ARHGAP27: variants seen among roughly 807,000 people sequenced by gnomAD.
ARHGAP27 encodes Rho GTPase activating protein 27.
A neutral mutation model predicts 102.0 loss-of-function variants in ARHGAP27; 53 were observed. That is an observed-to-expected ratio of 0.52 (90% CI 0.42 to 0.65). ARHGAP27 has a LOEUF of 0.65. Ranked by LOEUF, ARHGAP27 falls within the 30% of genes least tolerant of loss-of-function variation. The pLI is 0.00. For missense variants in ARHGAP27, 1,117 were observed against 1,256.2 expected, an observed-to-expected ratio of 0.89 and a Z score of 1.68; for synonymous variants, 525 against 542.8, an observed-to-expected ratio of 0.97 and a Z score of 0.46.
rs779926718 is a variant in ARHGAP27, at chr17:45,403,998, TG to T, written c.1547+30del. On this transcript the variant is annotated intron_variant, in intron 10 of 19. Transcript: ENST00000685559. The stretch of plus-strand genomic sequence containing the variant: ...TGAACATCGTCACCAAGGCCCACCC[TG>T]CCCCGGCCTGAGTGTAGATGGGCTC... 29 of 1,612,320 alleles carry T rather than the reference TG, an allele frequency of 1.8e-5. No homozygotes were observed. In the East Asian group the frequency reaches 2.0e-4, roughly 11 times the overall value.
At chr17:45,418,985 G>GC (rs897638788) in intron 4 of ARHGAP27, among the ~76,000 whole-genome samples, 6 of 152,034 alleles carry the variant, frequency 3.9e-5, no homozygotes, top group East Asian at 1.9e-4. Flanking sequence ...CCACTCTAGG[G>GC]CCCCCCCACC....
At chr17:45,412,960 ATCTTTTTTTTTTTTTT>A (rs1212733525) in intron 4 of ARHGAP27, among the ~76,000 whole-genome samples, 8 of 95,962 alleles carry the variant, frequency 8.3e-5, no homozygotes, top group Non-Finnish European at 1.6e-4. Context: ...GCTCAGTATA[ATCTTTTTTTTTTTTTT>A]TTTTTTTTTT....
rs1282320510 is a variant in ARHGAP27 at position 45,394,607 on chromosome 17, G to T, written c.*849C>A. The T allele has an allele frequency of 6.6e-6, 1 of 152,292 alleles. No individual in the cohort carries two copies. Among genetic ancestry groups the T allele is most frequent in the Non-Finnish European group, 1.5e-5 (1 of 68,086 alleles). The allele number at this position is 152,292 out of a possible 1,614,324, so 9.4% of individuals were successfully genotyped here. A position where few individuals can be genotyped will look rare whatever the true frequency, so the allele number is the denominator to read the frequency against. On this transcript the variant is annotated 3_prime_UTR_variant, in exon 20 of 20. Coordinates refer to ENST00000685559, the MANE Select transcript of ARHGAP27 (RefSeq NM_001282290.2). Reference sequence around the variant, plus strand: ...AAGGTTGGATGGGTGGTAGCTGAAAGAACTGATTTTCCCCCTACCCAGGCT... The same window carrying T: ...AAGGTTGGATGGGTGGTAGCTGAAATAACTGATTTTCCCCCTACCCAGGCT...
At position 45,429,980 on chromosome 17, in the gene ARHGAP27, C is replaced by G; in HGVS notation, c.300G>C (p.Ala100=). 1 of 1,162,450 alleles carries G rather than the reference C, an allele frequency of 8.6e-7. No homozygotes were observed. Among genetic ancestry groups the G allele is most frequent in the Non-Finnish European group, 1.1e-6 (1 of 945,278 alleles). The allele number at this position is 1,162,450 out of a possible 1,614,324, so 72.0% of individuals were successfully genotyped here. ...CGCCGTCGGGGCCCGCGGTCGCCGC[C>G]GCGCTCACAAACCGGTAGTCGTAGG... ...PLAYDYRFVS[A]AATAGPDGAP... is the part of the protein sequence containing the mutation. Residue 100 remains alanine (A), a synonymous_variant, in exon 4 of 20, where the codon GCG becomes GCC. Coordinates refer to ENST00000685559, the MANE Select transcript of ARHGAP27 (RefSeq NM_001282290.2).
chr17:45,424,560 CGCAGTCA>C (rs1210751760), intron 4 of ARHGAP27, among the ~76,000 whole-genome samples: 3 of 152,148 alleles, frequency 2.0e-5, no homozygotes, highest in Non-Finnish European at 4.4e-5. Context: ...CTGTACTGGA[CGCAGTCA>C]GCTCTAGGAA....
intron 4 of ARHGAP27, among the ~76,000 whole-genome samples, chr17:45,417,037 A>G (rs2048538462): frequency 6.6e-6 from 1 of 151,066 alleles, no homozygotes. Context: ...CATGCTTGTA[A>G]TCCCAGCTAC....
rs2050153297 is a variant in ARHGAP27 at position 45,432,740 on chromosome 17, C to T, written c.-285+12G>A. The T allele has an allele frequency of 6.6e-6, 1 of 151,402 alleles. No individual in the cohort carries two copies. The highest frequency in any genetic ancestry group is 1.5e-5 in the Non-Finnish European group (1 of 67,756). 9.4% of individuals were successfully genotyped at this position (151,402 alleles called of 1,614,324 possible). A position where few individuals can be genotyped will look rare whatever the true frequency, so the allele number is the denominator to read the frequency against. On this transcript the variant is annotated intron_variant, in intron 1 of 19. Transcript: ENST00000685559. Reference sequence around the variant, plus strand: ...CTCGGCGCCCCACTCCCGACCCTGCCTGCCCGGGCACCTCGGGGCGTCCGC... The same window carrying T: ...CTCGGCGCCCCACTCCCGACCCTGCTTGCCCGGGCACCTCGGGGCGTCCGC...
intron 6 of ARHGAP27, 59 bp from the exon 7 acceptor site, chr17:45,404,740 T>G: frequency 6.4e-7 from 1 of 1,561,730 alleles, no homozygotes; most frequent in Non-Finnish European, 8.7e-7. Context: ...GAGGAAAAGT[T>G]TCCCTCTAAC....
intron 4 of ARHGAP27, chr17:45,408,138 C>T (rs2047451573): frequency 1.3e-5 from 2 of 151,598 alleles, no homozygotes; most frequent in Admixed American, 6.6e-5. Flanking sequence ...AAAAAAAATT[C>T]ATTTTTCACC....
Position 45,395,728 on chromosome 17 carries a change from G to A in ARHGAP27, c.2492+16C>T, listed in dbSNP as rs1397407565. ...GGGACCTGCCTCCCCCTTCCCGCGCGGGCCGCCCGGCTCACCGGCAGAGGT... is the reference window on the plus strand; with the variant it reads ...GGGACCTGCCTCCCCCTTCCCGCGCAGGCCGCCCGGCTCACCGGCAGAGGT... On this transcript the variant is annotated intron_variant, in intron 19 of 19. Coordinates refer to ENST00000685559, the MANE Select transcript of ARHGAP27 (RefSeq NM_001282290.2). The A allele has an allele frequency of 1.9e-6, 3 of 1,581,216 alleles. No homozygotes were observed. Among genetic ancestry groups the A allele is most frequent in the Non-Finnish European group, 8.6e-7 (1 of 1,168,086 alleles).
chr17:45,417,999 T>G (rs1355630208), intron 4 of ARHGAP27, among the ~76,000 whole-genome samples: 1 of 141,566 alleles, frequency 7.1e-6, no homozygotes, highest in Non-Finnish European at 1.5e-5. Flanking sequence ...ATCGTGCCAC[T>G]GCACTCCAGC....
At chr17:45,410,446 G>T in intron 4 of ARHGAP27, 45 of 1,223,132 alleles carry the variant, frequency 3.7e-5, no homozygotes, top group East Asian at 1.3e-4. Context: ...CAGGGCTGCG[G>T]AAGTGCTGCC....
In ARHGAP27 at chr17:45,429,642, G is replaced by C. The variant is rs2959953; in HGVS notation, c.638C>G (p.Pro213Arg). 1,113,115 of 1,580,120 alleles carry C rather than the reference G, an allele frequency of 0.7. 394,825 individuals are homozygous for C. Among genetic ancestry groups the C allele is most frequent in the Non-Finnish European group, 0.73 (844,280 of 1,163,094 alleles). The change falls in exon 4 of 20, where the codon CCG becomes CGG. Residue 213 changes from proline to arginine, a missense_variant. By Grantham distance (103) the Pro-to-Arg change is moderately radical. Around this residue, in one of 3 missense-constraint regions of ARHGAP27, gnomAD observed 610 missense variants for 716.4 expected, o/e 0.85. Transcript: ENST00000685559. ...AGGTACCTGCTCTGCGCTCTCCTCC[G>C]GCGGCGGGACGTGCAAGTCCTGGAT... The part of the protein sequence containing the change: ...EVIQDLHVPP[P>R]EESAEQVDDP...
chr17:45,422,472 G>T (rs1021120528), intron 4 of ARHGAP27, among the ~76,000 whole-genome samples: 1 of 151,886 alleles, frequency 6.6e-6, no homozygotes, highest in Non-Finnish European at 1.5e-5. Flanking sequence ...TTCAAAAAAT[G>T]ATAATAGTAG....
At chr17:45,404,191 T>C in intron 9 of ARHGAP27, 78 bp downstream of exon 9, 1 of 1,609,858 alleles carries the variant, frequency 6.2e-7, no homozygotes, top group Non-Finnish European at 8.5e-7. Flanking sequence ...TGCCACTCTC[T>C]ATGGTCTGGG....
intron 5 of ARHGAP27, 110 bp downstream of exon 5, chr17:45,405,566 C>T (rs891317962): frequency 1.6e-5 from 22 of 1,381,862 alleles, no homozygotes; most frequent in Middle Eastern, 5.3e-4. Flanking sequence ...GAGGTAGCCC[C>T]GCCCACCCAT....
intron 12 of ARHGAP27, among the ~76,000 whole-genome samples, chr17:45,399,079 G>A (rs912457282): frequency 3.9e-5 from 6 of 152,218 alleles, no homozygotes; most frequent in African/African-American, 1.4e-4. Context: ...TGGCAGCTTA[G>A]TTGGATTCCT....
intron 7 of ARHGAP27, 26 bp from the exon 8 acceptor site, chr17:45,404,554 T>C (rs1467309497): frequency 1.2e-6 from 2 of 1,613,712 alleles, no homozygotes; most frequent in South Asian, 1.1e-5. Context: ...CAGTCGTATA[T>C]GATCTCTTCC....
chr17:45,398,200 G>A (rs528012247), intron 12 of ARHGAP27, among the ~76,000 whole-genome samples, 153 bp from the exon 13 acceptor site: 1 of 152,374 alleles, frequency 6.6e-6, no homozygotes, highest in African/African-American at 2.4e-5. Context: ...CCCAGGCTAA[G>A]TCTTGGATCT....
Sources: allele counts gnomAD v4.1 joint callset (sites outside exome capture counted in the v4.1 genomes callset), GRCh38; gene constraint gnomAD v4.1.1; regional missense constraint gnomAD v4.1.1; transcripts MANE v1.5; gene names NCBI Gene and HGNC (gene_info 2026-07-23, HGNC 2026-07-21).